Variants in SEC14L3 observed in about 807,000 individuals in gnomAD.
The protein encoded by SEC14L3 is SEC14-like protein 3.
Under a neutral mutation model 57.4 loss-of-function variants are expected in SEC14L3, and 56 were observed. The observed-to-expected ratio is 0.97, with a 90% CI of 0.79 to 1.22. SEC14L3 has a LOEUF of 1.22. SEC14L3 is among the 50% of genes most tolerant of loss of function. The pLI, the probability that SEC14L3 is intolerant of heterozygous loss-of-function variation, is 0.00. For missense variants in SEC14L3, 485 were observed against 511.7 expected (o/e 0.95, Z 0.50); for synonymous variants, 173 against 194.4 (o/e 0.89, Z 0.92).
At chr22:30,471,842 T>G in intron 1 of SEC14L3, 63 bp downstream of exon 1, 1 of 1,610,038 alleles carries the variant, frequency 6.2e-7, no homozygotes, top group East Asian at 2.2e-5. Context: ...TTCCAGCCAC[T>G]TCTTTCCACC....
chr22:30,451,991 C>CAAAAAAAAAAAAAAAAAAAAA (rs34799395), intron 12 of SEC14L3, among the ~76,000 whole-genome samples: 1 of 33,832 alleles, frequency 3.0e-5, no homozygotes, highest in African/African-American at 1.5e-4. Context: ...GACTCCATCT[C>CAAAAAAAAAAAAAAAAAAAAA]AAAAAAAAAA....
chr22:30,450,403 T>C (rs1282364775), intron 12 of SEC14L3, among the ~76,000 whole-genome samples: 2 of 152,088 alleles, frequency 1.3e-5, no homozygotes, highest in Admixed American at 6.6e-5. Context: ...CTTCCCAGGT[T>C]CAAACAATTC....
rs1370654438 is a variant in SEC14L3 at position 30,471,969 on chromosome 22, G to T, written c.-11C>A. The T allele has an allele frequency of 1.3e-6, 2 of 1,598,750 alleles. No individual in the cohort carries two copies. The highest frequency in any genetic ancestry group is 3.4e-5 in the Admixed American group (2 of 58,144). ...AACTCGGCCGCTCATGGTGCTGGCT[G>T]GGGCTTGAGGAGTGGTGGCCACTAT... On this transcript the variant is annotated 5_prime_UTR_variant, in exon 1 of 12. Coordinates refer to ENST00000215812, the MANE Select transcript of SEC14L3 (RefSeq NM_174975.5).
At chr22:30,460,182 TAC>T (rs1935208603) in intron 11 of SEC14L3, 40 bp from the exon 12 acceptor site, 1 of 1,603,128 alleles carries the variant, frequency 6.2e-7, no homozygotes, top group African/African-American at 1.3e-5. Context: ...GGCTTGGCTT[TAC>T]ACACTCTTTT....
chr22:30,452,388 G>C (rs903500000), intron 12 of SEC14L3, among the ~76,000 whole-genome samples: 2 of 151,618 alleles, frequency 1.3e-5, no homozygotes, highest in African/African-American at 2.4e-5. Context: ...GGGATTACAG[G>C]CTCCGGCCAC....
exon 13 of SEC14L3, chr22:30,448,390 G>A (rs1934918267): frequency 6.6e-6 from 1 of 152,084 alleles, no homozygotes; most frequent in Non-Finnish European, 1.5e-5. Context: ...CTTGTCGCAG[G>A]TTGAGCAGGG....
intron 1 of SEC14L3, 156 bp from the exon 2 acceptor site, chr22:30,470,738 A>C: frequency 2.1e-6 from 2 of 965,184 alleles, no homozygotes; most frequent in Non-Finnish European, 2.5e-6. Flanking sequence ...GGGCAGATGG[A>C]TCACTGGATA....
At chr22:30,463,185 G>T (rs1383906017) in intron 8 of SEC14L3, among the ~76,000 whole-genome samples, 2 of 152,194 alleles carry the variant, frequency 1.3e-5, no homozygotes, top group African/African-American at 2.4e-5. Context: ...ACCTCCTAGT[G>T]GGGGATGGAC....
At chr22:30,465,893 C>T (rs1392106983) in intron 7 of SEC14L3, among the ~76,000 whole-genome samples, 1 of 152,226 alleles carries the variant, frequency 6.6e-6, no homozygotes, top group Non-Finnish European at 1.5e-5. Flanking sequence ...GGAGCATCCA[C>T]CATGGACCCA....
chr22:30,457,935 G>A (rs12158119), downstream of SEC14L3, among the ~76,000 whole-genome samples: 4,068 of 152,286 alleles, frequency 0.027, 189 homozygotes, highest in African/African-American at 0.094. Flanking sequence ...GCCTTTGGGA[G>A]CTCAGTTTCC....
At chr22:30,451,494 TA>T (rs1934980168) in intron 12 of SEC14L3, among the ~76,000 whole-genome samples, 1 of 152,010 alleles carries the variant, frequency 6.6e-6, no homozygotes, top group Non-Finnish European at 1.5e-5. Context: ...TCCAAAGAGT[TA>T]AAGAAACCAA....
chr22:30,470,899 G>GTGAA (rs1473765824), intron 1 of SEC14L3, among the ~76,000 whole-genome samples: 1 of 152,136 alleles, frequency 6.6e-6, no homozygotes, highest in African/African-American at 2.4e-5. Context: ...GGATAAATCA[G>GTGAA]TGAATGGACA....
chr22:30,471,899 T>C lies in SEC14L3; in HGVS notation c.54+6A>G. The stretch of plus-strand genomic sequence containing the variant: ...CTTCCGGAACTCCAGGGGGAGGGGC[T>C]CTCACCTTGGCCAGGGTCTCTGCCT... On this transcript the variant is annotated splice_donor_region_variant and intron_variant, in intron 1 of 11. Coordinates refer to ENST00000215812, the MANE Select transcript of SEC14L3 (RefSeq NM_174975.5). 6.2e-7 allele frequency: 1 copy of C among 1,613,126 alleles called. No homozygotes were observed. Among genetic ancestry groups the C allele is most frequent in the African/African-American group, 1.3e-5 (1 of 74,930 alleles).
chr22:30,457,203 T>C (rs1935133402), downstream of SEC14L3, among the ~76,000 whole-genome samples: 1 of 152,000 alleles, frequency 6.6e-6, no homozygotes, highest in African/African-American at 2.4e-5. Flanking sequence ...TTGGCCCAAA[T>C]TGTGGGTGCT....
chr22:30,451,155 G>A (rs9608921), intron 12 of SEC14L3, among the ~76,000 whole-genome samples: 4 of 152,186 alleles, frequency 2.6e-5, no homozygotes, highest in Non-Finnish European at 5.9e-5. Context: ...GGTCAGGGGG[G>A]CTGCCGGGGG....
chr22:30,468,546 C>G lies in SEC14L3; in HGVS notation c.385G>C (p.Glu129Gln), dbSNP rs1263922715. The change falls in exon 5 of 12, where the codon GAG (glutamate) becomes CAG (glutamine). Residue 129 changes from glutamate (E) to glutamine (Q), a missense_variant. Physicochemically the swap from Glu to Gln is conservative, Grantham distance 29. Transcript: ENST00000215812. ...AGGTCACACTCATGCAGGATGCGCT[C>G]ACAGTCCCTCATCTTGGTCTTGAGC... ...DLLKTKMRDC[E>Q]RILHECDLQT... The G allele has an allele frequency of 1.2e-6, 2 of 1,613,912 alleles. No individual in the cohort carries two copies. The highest frequency in any genetic ancestry group is 2.2e-5 in the South Asian group (2 of 91,032).
chr22:30,452,699 CTCTT>C (rs201372162), intron 12 of SEC14L3, among the ~76,000 whole-genome samples: 2,049 of 149,438 alleles, frequency 0.014, 21 homozygotes, highest in Middle Eastern at 0.035. Context: ...AAAGCTCTTC[CTCTT>C]TCTTTCTTTC....
intron 12 of SEC14L3, among the ~76,000 whole-genome samples, chr22:30,449,548 CTTTT>C (rs1934940063): frequency 1.5e-4 from 3 of 20,646 alleles, no homozygotes; most frequent in African/African-American, 3.2e-4. Flanking sequence ...GTTCTTTTTT[CTTTT>C]CTTTTCTTTT....
chr22:30,455,692 A>C (rs1935108500), downstream of SEC14L3, among the ~76,000 whole-genome samples: 2 of 152,220 alleles, frequency 1.3e-5, no homozygotes, highest in Non-Finnish European at 2.9e-5. Context: ...CTGGGGCCTC[A>C]TTAGCACCAG....
Sources: allele counts gnomAD v4.1 joint callset (sites outside exome capture counted in the v4.1 genomes callset), GRCh38; gene constraint gnomAD v4.1.1; transcripts MANE v1.5; gene names NCBI Gene and HGNC (gene_info 2026-07-23, HGNC 2026-07-21).